Variants in CCDC171 observed in about 807,000 individuals in gnomAD.
CCDC171 encodes the protein coiled-coil domain-containing protein 171.
CCDC171 carries 177 observed loss-of-function variants against 168.2 expected under a neutral mutation model. That is an observed-to-expected ratio of 1.05 (90% CI 0.93 to 1.19). The LOEUF (loss-of-function observed/expected upper bound fraction) is 1.19. Ranked by LOEUF, CCDC171 falls within the 50% of genes most tolerant of loss-of-function variation. The probability of loss-of-function intolerance (pLI) is 0.00; values close to 1 mark genes in which losing one functional copy is unlikely to be tolerated. For missense variants in CCDC171, 1,991 were observed against 1,539.0 expected, an observed-to-expected ratio of 1.29 and a Z score of -4.91; for synonymous variants, 687 against 540.8, an observed-to-expected ratio of 1.27 and a Z score of -3.75.
chr9:15,875,532 T>C (rs1817725783), intron 24 of CCDC171: 2 of 151,998 alleles, frequency 1.3e-5, no homozygotes, highest in Admixed American at 6.6e-5. Flanking sequence ...AAAGAGACTG[T>C]CCTTGTTCAA....
chr9:15,966,961 A>G (rs1036114055), intron 25 of CCDC171, among the ~76,000 whole-genome samples: 1 of 152,038 alleles, frequency 6.6e-6, no homozygotes, highest in African/African-American at 2.4e-5. Context: ...GTGTGTGTGT[A>G]TATTTATAAG....
rs142955014 is a variant in CCDC171 at position 15,850,143 on chromosome 9, A to G, written c.3468+1196A>G. ...GTATGTTTTTTTGAACTTGGTGGATAGAAAAGTCAATTACGTCATATACAT... is the reference window on the plus strand; with the variant it reads ...GTATGTTTTTTTGAACTTGGTGGATGGAAAAGTCAATTACGTCATATACAT... On this transcript the variant is annotated intron_variant, in intron 23 of 25. Transcript: ENST00000380701. 37 of 152,108 alleles carry G rather than the reference A, an allele frequency of 2.4e-4. No homozygotes were observed. In the East Asian group the frequency reaches 6.4e-3, roughly 26 times the overall value. 9.4% of individuals were successfully genotyped at this position (152,108 alleles called of 1,614,324 possible).
chr9:15,827,880 AC>A (rs1701713347), intron 21 of CCDC171, among the ~76,000 whole-genome samples: 1 of 152,036 alleles, frequency 6.6e-6, no homozygotes, highest in African/African-American at 2.4e-5. Context: ...AATTCTCCAT[AC>A]CCGATCTGCT....
At chr9:15,656,986 C>A in intron 7 of CCDC171, 141 bp from the exon 8 acceptor site, 1 of 442,926 alleles carries the variant, frequency 2.3e-6, no homozygotes, top group Non-Finnish European at 4.1e-6. Flanking sequence ...ATGAATTTTA[C>A]ATTCCATTCT....
At chr9:15,941,720 T>G (rs1827758367) in intron 25 of CCDC171, among the ~76,000 whole-genome samples, 1 of 151,976 alleles carries the variant, frequency 6.6e-6, no homozygotes, top group South Asian at 2.1e-4. Flanking sequence ...AGTAGCAGCC[T>G]GAAATGCTCT....
intron 21 of CCDC171, among the ~76,000 whole-genome samples, chr9:15,832,865 G>T (rs566783088): frequency 6.6e-6 from 1 of 150,810 alleles, no homozygotes; most frequent in Admixed American, 6.6e-5. Context: ...TTTTTTTAAC[G>T]TTTAAAACTT....
At chr9:15,900,309 G>T (rs76821013) in intron 24 of CCDC171, among the ~76,000 whole-genome samples, 10 of 152,172 alleles carry the variant, frequency 6.6e-5, no homozygotes, top group Admixed American at 6.5e-4. Flanking sequence ...GAAAGAGGGC[G>T]GTGGGGGCAT....
intron 1 of CCDC171, among the ~76,000 whole-genome samples, chr9:16,056,748 A>G (rs964906496): frequency 1.3e-5 from 2 of 152,220 alleles, no homozygotes; most frequent in African/African-American, 4.8e-5. Flanking sequence ...TTGGTTTCCC[A>G]AAGTGCTCGG....
chr9:15,582,480 C>T (rs373901537), intron 4 of CCDC171, among the ~76,000 whole-genome samples: 4 of 152,092 alleles, frequency 2.6e-5, no homozygotes, highest in African/African-American at 4.8e-5. Context: ...CACATGCACA[C>T]GTATGTTTAT....
intron 24 of CCDC171, among the ~76,000 whole-genome samples, chr9:15,906,784 A>C (rs1822707218): frequency 6.6e-6 from 1 of 152,146 alleles, no homozygotes; most frequent in African/African-American, 2.4e-5. Context: ...CCATCGTCTC[A>C]GCCCAAAATC....
rs1250947418 is a variant in CCDC171 at position 15,642,341 on chromosome 9, GTGTATATATATATATATATATA to G, written c.823-14784_823-14763del. ...TATATATATATATACACGTGTGTGT[GTGTATATATATATATATATATA>G]TATATATATATATATATATATGCAT... is the stretch of plus-strand genomic sequence containing the variant. On this transcript the variant is annotated intron_variant, in intron 7 of 25. Transcript: ENST00000380701. 4.9e-3 allele frequency among the ~76,000 whole-genome samples: 201 copies of G among 40,962 alleles called. 1 individual carries two copies. The highest frequency in any genetic ancestry group is 0.011 in the African/African-American group (171 of 15,154). The allele number at this position is 40,962 out of a possible 152,430, so 26.9% of individuals were successfully genotyped here.
upstream of CCDC171, among the ~76,000 whole-genome samples, chr9:16,042,195 C>A (rs1410454): frequency 0.42 from 63,137 of 151,886 alleles, 14,350 homozygotes; most frequent in East Asian, 0.72. Flanking sequence ...GGGCGGGCTC[C>A]AGTGGATTAG....
At chr9:15,953,858 AT>A (rs1228390814) in intron 25 of CCDC171, among the ~76,000 whole-genome samples, 1 of 151,988 alleles carries the variant, frequency 6.6e-6, no homozygotes, top group Non-Finnish European at 1.5e-5. Flanking sequence ...TTTACTAGTT[AT>A]AGATCTTTTC....
chr9:15,774,785 C>T (rs551541270), intron 18 of CCDC171, among the ~76,000 whole-genome samples: 35 of 152,240 alleles, frequency 2.3e-4, no homozygotes, highest in East Asian at 5.8e-4. Context: ...CAAAAAGGAA[C>T]GAAATAATGG....
chr9:15,940,656 C>A (rs1827609011), intron 25 of CCDC171, among the ~76,000 whole-genome samples: 1 of 151,964 alleles, frequency 6.6e-6, no homozygotes, highest in African/African-American at 2.4e-5. Context: ...TTTATCTCCT[C>A]AATATTTCTC....
downstream of CCDC171, among the ~76,000 whole-genome samples, chr9:15,977,693 C>A (rs1181228455): frequency 3.3e-5 from 5 of 152,154 alleles, no homozygotes; most frequent in Non-Finnish European, 5.9e-5. Context: ...GAAGCGGCTC[C>A]AGAAATGTTG....
At chr9:16,042,014 A>G (rs1181262744), upstream of CCDC171, among the ~76,000 whole-genome samples, 2 of 152,216 alleles carry the variant, frequency 1.3e-5, no homozygotes, top group Non-Finnish European at 2.9e-5. Flanking sequence ...TCTTCATTTT[A>G]GTTTTCTTTC....
chr9:15,760,277 T>A (rs2056372670), intron 18 of CCDC171, among the ~76,000 whole-genome samples: 1 of 152,166 alleles, frequency 6.6e-6, no homozygotes, highest in Non-Finnish European at 1.5e-5. Flanking sequence ...TGTATGGCTT[T>A]TCATATTATC....
intron 24 of CCDC171, among the ~76,000 whole-genome samples, chr9:15,908,801 T>TA (rs1823155156): frequency 1.3e-5 from 2 of 152,062 alleles, no homozygotes; most frequent in South Asian, 4.2e-4. Flanking sequence ...TAGGCAAAAG[T>TA]AGGAGCAAGT....
Sources: allele counts gnomAD v4.1 joint callset (sites outside exome capture counted in the v4.1 genomes callset), GRCh38; gene constraint gnomAD v4.1.1; transcripts MANE v1.5; gene names NCBI Gene and HGNC (gene_info 2026-07-23, HGNC 2026-07-21).